Variants in EYA4 observed in about 807,000 individuals in gnomAD.
The protein encoded by EYA4 is protein phosphatase EYA4.
In EYA4, 31 loss-of-function variants were observed where a neutral mutation model predicts 87.9. The observed-to-expected ratio is 0.35, with a 90% confidence interval of 0.27 to 0.48. The LOEUF (loss-of-function observed/expected upper bound fraction) is 0.48. Ranked by LOEUF, EYA4 falls within the 20% of genes least tolerant of loss-of-function variation. EYA4 has a pLI of 0.99. For synonymous variants in EYA4, 263 were observed against 270.6 expected (o/e 0.97, Z 0.28); for missense variants, 678 against 761.4 (o/e 0.89, Z 1.29).
chr6:133,342,435 A>G lies in EYA4; in HGVS notation c.34-39957A>G, dbSNP rs537496441. Among the ~76,000 whole-genome samples the G allele has an allele frequency of 1.6e-3, 234 of 148,628 alleles. 1 individual carries two copies. The highest frequency in any genetic ancestry group is 3.1e-3 in the Non-Finnish European group (204 of 66,858). On this transcript the variant is annotated intron_variant, in intron 2 of 19. Coordinates refer to ENST00000355286, the MANE Select transcript of EYA4 (RefSeq NM_004100.5). ...TTTTCTGGGTCCATCCAAGGGAAGG[A>G]AGCACAGATTCAGATCGGAAGGTGT...
intron 2 of EYA4, among the ~76,000 whole-genome samples, chr6:133,356,435 A>T (rs1784038507): frequency 6.6e-6 from 1 of 152,226 alleles, no homozygotes; most frequent in Non-Finnish European, 1.5e-5. Flanking sequence ...TAGTCATGTT[A>T]GGGAACTTCG....
intron 3 of EYA4, among the ~76,000 whole-genome samples, chr6:133,440,855 T>TA (rs1461892385): frequency 6.6e-6 from 1 of 152,182 alleles, no homozygotes; most frequent in Non-Finnish European, 1.5e-5. Context: ...AGAGAAGACA[T>TA]ATAATAAGAG....
chr6:133,364,073 G>T (rs1382848426), intron 2 of EYA4, among the ~76,000 whole-genome samples: 2 of 152,174 alleles, frequency 1.3e-5, no homozygotes, highest in Non-Finnish European at 2.9e-5. Context: ...ACCATCACCT[G>T]CTCAACTAGA....
chr6:133,434,302 T>C (rs1309926408), intron 3 of EYA4, among the ~76,000 whole-genome samples: 2 of 152,222 alleles, frequency 1.3e-5, no homozygotes, highest in Non-Finnish European at 2.9e-5. Context: ...TAGAAAACTT[T>C]CTGATAGTAT....
At chr6:133,311,446 C>T (rs1234018640) in intron 2 of EYA4, among the ~76,000 whole-genome samples, 1 of 152,134 alleles carries the variant, frequency 6.6e-6, no homozygotes, top group Non-Finnish European at 1.5e-5. Context: ...CCACCTCAGC[C>T]TCCCAAGTAG....
At chr6:133,393,206 C>T (rs985471928) in intron 3 of EYA4, among the ~76,000 whole-genome samples, 1 of 152,124 alleles carries the variant, frequency 6.6e-6, no homozygotes, top group Non-Finnish European at 1.5e-5. Context: ...TGGTCCACTT[C>T]ATGCTTGGCC....
intron 1 of EYA4, chr6:133,248,296 C>T (rs1270448069): frequency 4.6e-5 from 7 of 152,140 alleles, no homozygotes; most frequent in Admixed American, 2.0e-4. Flanking sequence ...ATGAAAGGGA[C>T]ATTTCTTGTG....
chr6:133,278,712 C>T (rs1269419300), intron 2 of EYA4, among the ~76,000 whole-genome samples: 1 of 151,978 alleles, frequency 6.6e-6, no homozygotes, highest in Non-Finnish European at 1.5e-5. Context: ...TTCATTTTTC[C>T]TCTAGTATAT....
intron 2 of EYA4, among the ~76,000 whole-genome samples, chr6:133,321,958 C>G (rs1035895544): frequency 6.6e-6 from 1 of 152,180 alleles, no homozygotes; most frequent in African/African-American, 2.4e-5. Flanking sequence ...TTTCCCATTT[C>G]CTGCCTAAAG....
rs72138737 is a variant in EYA4, at chr6:133,515,592, T to TGA, written c.1616+175_1616+176dup. Among the ~76,000 whole-genome samples the TGA allele has an allele frequency of 4.3e-4, 63 of 146,268 alleles. 1 individual carries two copies. In the South Asian group the frequency reaches 5.3e-3, roughly 12 times the overall value. ...TTTTTTCAATTTCAGTGCATGTGCA[T>TGA]GAGAGAGAGAGAGAGAGAGTGTGTG... On this transcript the variant is annotated intron_variant, in intron 17 of 19. Transcript: ENST00000355286.
intron 3 of EYA4, among the ~76,000 whole-genome samples, chr6:133,415,479 C>T (rs1443338231): frequency 3.9e-5 from 6 of 152,120 alleles, no homozygotes. Context: ...CCAGACGTGC[C>T]TCCTCTCACA....
rs1562368948 is a variant in EYA4 at position 133,394,282 on chromosome 6, G to GTATTTTT, written c.83+11842_83+11843insATTTTTT. The stretch of plus-strand genomic sequence containing the variant: ...GTTGGAAAAATGTATATATAAGCTT[G>GTATTTTT]TGTTTTTTTTTTTTTTTTTTTTTTT... On this transcript the variant is annotated intron_variant, in intron 3 of 19. Coordinates refer to ENST00000355286, the MANE Select transcript of EYA4 (RefSeq NM_004100.5). Among the ~76,000 whole-genome samples, 58 of 107,812 alleles carry GTATTTTT rather than the reference G, an allele frequency of 5.4e-4. 7 individuals carry two copies. The highest frequency in any genetic ancestry group is 5.0e-3 in the Middle Eastern group (1 of 202). The allele number at this position is 107,812 out of a possible 152,430, so 70.7% of individuals were successfully genotyped here.
chr6:133,446,451 A>G (rs531912758), intron 3 of EYA4, among the ~76,000 whole-genome samples, 179 bp from the exon 4 acceptor site: 267 of 152,184 alleles, frequency 1.8e-3, no homozygotes, highest in Non-Finnish European at 2.6e-3. Context: ...TTATTTATTT[A>G]TGCATTTGTT....
At chr6:133,461,994 C>T (rs534750276) in intron 7 of EYA4, 93 of 360,924 alleles carry the variant, frequency 2.6e-4, no homozygotes, top group African/African-American at 1.7e-3. Flanking sequence ...GTGTGTGCTC[C>T]ATTTTCCTCA....
intron 3 of EYA4, among the ~76,000 whole-genome samples, chr6:133,429,496 C>G (rs1790988070): frequency 6.6e-6 from 1 of 151,912 alleles, no homozygotes; most frequent in Admixed American, 6.5e-5. Context: ...AGAGACACAC[C>G]ATGGATTCTA....
rs189419066 is a variant in EYA4 at position 133,456,163 on chromosome 6, T to G, written c.278-393T>G. Among the ~76,000 whole-genome samples the G allele has an allele frequency of 4.4e-4, 67 of 152,278 alleles. No homozygotes were observed. The East Asian group carries it at 0.011, about 24-fold the overall frequency. On this transcript the variant is annotated intron_variant, in intron 5 of 19. Coordinates refer to ENST00000355286, the MANE Select transcript of EYA4 (RefSeq NM_004100.5). The stretch of plus-strand genomic sequence containing the variant: ...TTATTATGCAAACTTAAAAAATATC[T>G]TCCTGGGAAAAATAAAATATAAGCT...
chr6:133,515,789 G>A (rs1052288906), intron 17 of EYA4, among the ~76,000 whole-genome samples: 1 of 152,170 alleles, frequency 6.6e-6, no homozygotes, highest in Non-Finnish European at 1.5e-5. Flanking sequence ...AGAGAACTCA[G>A]TTGGTGGCAA....
chr6:133,396,332 T>C (rs921318608), intron 3 of EYA4, among the ~76,000 whole-genome samples: 2 of 152,214 alleles, frequency 1.3e-5, no homozygotes, highest in Admixed American at 6.5e-5. Context: ...TTCTCTTATT[T>C]TCTATTATTC....
chr6:133,464,761 T>C lies in EYA4; in HGVS notation c.725-18T>C. ...TACAAGGAATACTTTTAAAATGCAA[T>C]TTGTTTTTTACCTCTAGGTTCTAGT... is the stretch of plus-strand genomic sequence containing the variant. On this transcript the variant is annotated intron_variant, in intron 9 of 19. Coordinates refer to ENST00000355286, the MANE Select transcript of EYA4 (RefSeq NM_004100.5). The C allele has an allele frequency of 6.7e-7, 1 of 1,485,744 alleles. No homozygotes were observed. Among genetic ancestry groups the C allele is most frequent in the South Asian group, 1.1e-5 (1 of 88,326 alleles). 92.0% of individuals were successfully genotyped at this position (1,485,744 alleles called of 1,614,324 possible).
Sources: allele counts gnomAD v4.1 joint callset (sites outside exome capture counted in the v4.1 genomes callset), GRCh38; gene constraint gnomAD v4.1.1; transcripts MANE v1.5; gene names NCBI Gene and HGNC (gene_info 2026-07-23, HGNC 2026-07-21).